ITFG1: variants seen among roughly 807,000 people sequenced by gnomAD.
ITFG1 encodes the protein T-cell immunomodulatory protein.
A neutral mutation model predicts 81.8 loss-of-function variants in ITFG1; 34 were observed. The ratio of observed to expected loss-of-function variants is 0.42; its 90% CI spans 0.32 to 0.55. The LOEUF (loss-of-function observed/expected upper bound fraction) is 0.55. Ranked by LOEUF, ITFG1 falls within the 20% of genes least tolerant of loss-of-function variation. ITFG1 has a pLI of 0.17. For synonymous variants in ITFG1, 285 were observed against 270.6 expected, an observed-to-expected ratio of 1.05 and a Z score of -0.52; for missense variants, 672 against 755.4, an observed-to-expected ratio of 0.89 and a Z score of 1.29.
chr16:47,341,140 C>A (rs1967776342), intron 8 of ITFG1, among the ~76,000 whole-genome samples: 1 of 151,796 alleles, frequency 6.6e-6, no homozygotes, highest in African/African-American at 2.4e-5. Flanking sequence ...AAAAGCCAGG[C>A]ATGGTAGCTT....
intron 17 of ITFG1, among the ~76,000 whole-genome samples, 183 bp downstream of exon 17, chr16:47,158,690 T>A (rs1054238388): frequency 4.2e-4 from 64 of 152,318 alleles, no homozygotes; most frequent in African/African-American, 1.5e-3. Flanking sequence ...TAGGAGACAT[T>A]AGTAACTTCC....
chr16:47,421,472 C>T (rs1968948583), intron 6 of ITFG1, among the ~76,000 whole-genome samples: 1 of 151,908 alleles, frequency 6.6e-6, no homozygotes, highest in Non-Finnish European at 1.5e-5. Context: ...GCTCAGCTAA[C>T]TTTCTGTATT....
At chr16:47,456,802 G>A (rs1481157067) in intron 2 of ITFG1, among the ~76,000 whole-genome samples, 1 of 151,982 alleles carries the variant, frequency 6.6e-6, no homozygotes, top group African/African-American at 2.4e-5. Flanking sequence ...TGAAGTAAAT[G>A]AGGAAATTTC....
intron 13 of ITFG1, 131 bp downstream of exon 13, chr16:47,237,834 A>C (rs1164713586): frequency 1.8e-6 from 1 of 559,734 alleles, no homozygotes; most frequent in Admixed American, 3.8e-5. Context: ...AGTTTTCTTG[A>C]GTAATGAAGG....
chr16:47,328,666 T>C (rs1055931468), intron 8 of ITFG1, among the ~76,000 whole-genome samples: 1 of 152,162 alleles, frequency 6.6e-6, no homozygotes. Flanking sequence ...ACTTAAGGGC[T>C]ATTAATTCTT....
intron 10 of ITFG1, among the ~76,000 whole-genome samples, chr16:47,278,094 G>T (rs960741753): frequency 6.6e-6 from 1 of 152,176 alleles, no homozygotes; most frequent in African/African-American, 2.4e-5. Flanking sequence ...CTAAAGGGGA[G>T]ATTAAGTTTA....
intron 12 of ITFG1, among the ~76,000 whole-genome samples, chr16:47,249,193 G>A (rs897316292): frequency 3.3e-5 from 5 of 152,276 alleles, no homozygotes; most frequent in East Asian, 3.9e-4. Context: ...CAAAGTGGGC[G>A]GATCACTTGA....
At chr16:47,331,512 C>T (rs946860060) in intron 8 of ITFG1, among the ~76,000 whole-genome samples, 4 of 152,034 alleles carry the variant, frequency 2.6e-5, no homozygotes, top group Non-Finnish European at 5.9e-5. Flanking sequence ...AAAACAGAAA[C>T]CCAAAGAAAA....
intron 12 of ITFG1, among the ~76,000 whole-genome samples, chr16:47,257,416 T>C (rs1966152956): frequency 6.6e-6 from 1 of 152,056 alleles, no homozygotes; most frequent in Admixed American, 6.5e-5. Context: ...AGGCATGCAC[T>C]TAACAAAACA....
chr16:47,184,342 G>T (rs375375899), intron 14 of ITFG1, among the ~76,000 whole-genome samples: 6 of 152,174 alleles, frequency 3.9e-5, no homozygotes, highest in South Asian at 2.1e-4. Flanking sequence ...TCACCAAAGT[G>T]GAAATGAAGG....
chr16:47,290,838 G>A (rs1459892845), intron 10 of ITFG1, among the ~76,000 whole-genome samples: 1 of 152,118 alleles, frequency 6.6e-6, no homozygotes, highest in African/African-American at 2.4e-5. Flanking sequence ...ACTTACTCCT[G>A]TCACTTGGCT....
intron 7 of ITFG1, among the ~76,000 whole-genome samples, chr16:47,368,511 G>A (rs1000207569): frequency 2.6e-5 from 3 of 117,040 alleles, no homozygotes; most frequent in African/African-American, 3.4e-5. Flanking sequence ...AGCCAAGACT[G>A]AGTCACTGTA....
intron 6 of ITFG1, among the ~76,000 whole-genome samples, chr16:47,385,003 T>C (rs904241895): frequency 7.2e-5 from 11 of 152,180 alleles, no homozygotes; most frequent in African/African-American, 2.7e-4. Context: ...TATGAATACA[T>C]ACTATTGGAA....
chr16:47,228,353 G>GT (rs149046910), intron 13 of ITFG1, among the ~76,000 whole-genome samples: 23 of 149,308 alleles, frequency 1.5e-4, no homozygotes, highest in East Asian at 7.9e-4. Flanking sequence ...AGATAAGAAG[G>GT]TTTTTTTTTT....
chr16:47,226,523 TC>T (rs1044007297), intron 13 of ITFG1, among the ~76,000 whole-genome samples: 3 of 78,940 alleles, frequency 3.8e-5, no homozygotes, highest in African/African-American at 1.5e-4. Flanking sequence ...CCCTCCCCCC[TC>T]CCCCCACCCC....
intron 10 of ITFG1, among the ~76,000 whole-genome samples, chr16:47,285,396 A>T (rs929608131): frequency 1.3e-5 from 2 of 152,172 alleles, no homozygotes; most frequent in African/African-American, 4.8e-5. Context: ...ATCTTTTATA[A>T]TAAACCTGTC....
intron 12 of ITFG1, among the ~76,000 whole-genome samples, chr16:47,244,454 G>A (rs544677838): frequency 6.6e-6 from 1 of 152,266 alleles, no homozygotes; most frequent in South Asian, 2.1e-4. Flanking sequence ...TACGGAGGGG[G>A]AAGGCAGAAT....
At chr16:47,187,052 A>C (rs930420305) in intron 14 of ITFG1, among the ~76,000 whole-genome samples, 5 of 152,128 alleles carry the variant, frequency 3.3e-5, no homozygotes, top group African/African-American at 1.2e-4. Context: ...TCCAACTTAC[A>C]AGGGATGTGA....
At chr16:47,341,224 G>A (rs1040253434) in intron 8 of ITFG1, among the ~76,000 whole-genome samples, 1 of 150,662 alleles carries the variant, frequency 6.6e-6, no homozygotes, top group Non-Finnish European at 1.5e-5. Context: ...AGACCAGACT[G>A]GGCAACAAAC....
Sources: allele counts gnomAD v4.1 joint callset (sites outside exome capture counted in the v4.1 genomes callset), GRCh38; gene constraint gnomAD v4.1.1; transcripts MANE v1.5; gene names NCBI Gene and HGNC (gene_info 2026-07-23, HGNC 2026-07-21).